Variants in EFCAB5 observed in about 807,000 individuals in gnomAD.
The protein encoded by EFCAB5 is EF-hand calcium-binding domain-containing protein 5.
Under a neutral mutation model 167.9 loss-of-function variants are expected in EFCAB5, and 131 were observed. The ratio of observed to expected loss-of-function variants is 0.78; its 90% CI spans 0.68 to 0.90. The LOEUF is 0.90. Ranked by LOEUF, EFCAB5 falls within the 40% of genes least tolerant of loss-of-function variation. The probability of loss-of-function intolerance (pLI) is 0.00; values close to 1 mark genes in which losing one functional copy is unlikely to be tolerated. For missense variants in EFCAB5, 1,663 were observed against 1,745.2 expected, an observed-to-expected ratio of 0.95 and a Z score of 0.84; for synonymous variants, 574 against 602.8, an observed-to-expected ratio of 0.95 and a Z score of 0.70.
chr17:30,024,511 C>T (rs921421804), intron 7 of EFCAB5, among the ~76,000 whole-genome samples: 1 of 152,060 alleles, frequency 6.6e-6, no homozygotes, highest in Non-Finnish European at 1.5e-5. Context: ...GAACTACAAA[C>T]CACTGCTCAA....
At chr17:29,967,238 T>C (rs1422856141) in intron 3 of EFCAB5, among the ~76,000 whole-genome samples, 1 of 152,236 alleles carries the variant, frequency 6.6e-6, no homozygotes, top group African/African-American at 2.4e-5. Flanking sequence ...TGAGATTCTC[T>C]ATTTGCTTTC....
intron 3 of EFCAB5, among the ~76,000 whole-genome samples, chr17:29,949,364 A>G (rs2067464125): frequency 6.6e-6 from 1 of 152,230 alleles, no homozygotes; most frequent in Non-Finnish European, 1.5e-5. Context: ...TAGAAGGTAG[A>G]CCACTAGAGT....
intron 4 of EFCAB5, among the ~76,000 whole-genome samples, chr17:29,985,788 TG>T (rs1454980845): frequency 1.3e-5 from 2 of 152,212 alleles, no homozygotes; most frequent in African/African-American, 4.8e-5. Context: ...ACCTTCAGCA[TG>T]GGGATCATGG....
At chr17:30,012,087 C>T (rs1356832654) in intron 7 of EFCAB5, among the ~76,000 whole-genome samples, 1 of 152,302 alleles carries the variant, frequency 6.6e-6, no homozygotes, top group East Asian at 1.9e-4. Context: ...GACAGGGCCA[C>T]CAGAGGGCTC....
intron 4 of EFCAB5, among the ~76,000 whole-genome samples, chr17:29,973,409 T>A (rs968065329): frequency 2.6e-5 from 4 of 152,120 alleles, no homozygotes; most frequent in Admixed American, 2.6e-4. Context: ...AAAAATGAGT[T>A]AATATTGACA....
chr17:29,941,900 A>G (rs922087114), intron 1 of EFCAB5, 62 bp downstream of exon 1: 1 of 1,455,884 alleles, frequency 6.9e-7, no homozygotes, highest in African/African-American at 1.4e-5. Context: ...CATTCTTGGG[A>G]AAATTGAGAT....
intron 14 of EFCAB5, chr17:30,069,735 ATG>A (rs1175434137): frequency 6.0e-6 from 5 of 832,686 alleles, no homozygotes; most frequent in Non-Finnish European, 9.6e-6. Context: ...GTGCTGGAGC[ATG>A]GTATGACCAC....
At chr17:30,092,749 A>G in intron 21 of EFCAB5, 91 bp from the exon 22 acceptor site, 1 of 832,746 alleles carries the variant, frequency 1.2e-6, no homozygotes, top group Non-Finnish European at 1.9e-6. Flanking sequence ...TTTAAAATCT[A>G]TATAAATGGA....
intron 5 of EFCAB5, among the ~76,000 whole-genome samples, chr17:29,994,176 A>ATG (rs1431052766): frequency 9.9e-5 from 12 of 120,792 alleles, no homozygotes; most frequent in African/African-American, 3.5e-4. Context: ...ATATATATAT[A>ATG]TGTGATATAT....
chr17:30,011,000 A>G (rs1446602749), intron 7 of EFCAB5, among the ~76,000 whole-genome samples: 1 of 152,142 alleles, frequency 6.6e-6, no homozygotes, highest in African/African-American at 2.4e-5. Context: ...GATTCAGTTT[A>G]AGCTTTCTAC....
chr17:30,091,902 A>T lies in EFCAB5; in HGVS notation c.3969A>T (p.Ala1323=). The change falls in exon 21 of 23, where the codon GCA becomes GCT. Residue 1323 remains alanine, a synonymous_variant. Transcript: ENST00000394835. ...EIENVREVQR[A]GILFFRIMLL... ...AAAATGTCAGGGAAGTCCAGCGGGC[A>T]GGAATTCTCTTCTTCCGAATCATGC... The T allele has an allele frequency of 6.2e-7, 1 of 1,614,000 alleles. No homozygotes were observed. Among genetic ancestry groups the T allele is most frequent in the East Asian group, 2.2e-5 (1 of 44,888 alleles).
chr17:30,029,941 AT>A (rs1321223519), intron 7 of EFCAB5, among the ~76,000 whole-genome samples: 7 of 152,322 alleles, frequency 4.6e-5, no homozygotes, highest in Admixed American at 4.6e-4. Flanking sequence ...AAATCCCAGA[AT>A]TCATTACATT....
At chr17:30,003,243 T>C (rs1412031797) in intron 7 of EFCAB5, among the ~76,000 whole-genome samples, 1 of 152,082 alleles carries the variant, frequency 6.6e-6, no homozygotes, top group Non-Finnish European at 1.5e-5. Context: ...TTTGTTGTTG[T>C]TGTTCTTTTT....
At chr17:30,095,909 G>A (rs1228228444) in intron 22 of EFCAB5, among the ~76,000 whole-genome samples, 7 of 152,202 alleles carry the variant, frequency 4.6e-5, no homozygotes, top group South Asian at 2.1e-4. Context: ...GAAAAAACTT[G>A]CCATCGCAGC....
chr17:30,082,936 C>T lies in EFCAB5; in HGVS notation c.3472C>T (p.Arg1158Trp), dbSNP rs775384672. 46 of 1,613,782 alleles carry T rather than the reference C, an allele frequency of 2.9e-5. No individual in the cohort carries two copies. Among genetic ancestry groups the T allele is most frequent in the East Asian group, 8.9e-5 (4 of 44,888 alleles). Residue 1158 changes from arginine to tryptophan, a missense_variant, in exon 18 of 23, where the codon CGG becomes TGG. Physicochemically the swap from Arg to Trp is moderately radical, Grantham distance 101. Coordinates refer to ENST00000394835, the MANE Select transcript of EFCAB5 (RefSeq NM_198529.4). ...CACTGCCTATCACTACGTCCACAGC[C>T]GGGAGCACATTCTGCATATTGTGAT... is the stretch of plus-strand genomic sequence containing the variant. ...FSTAYHYVHSREHILHIVITG... is the reference protein window; with the variant it reads ...FSTAYHYVHSWEHILHIVITG...
At chr17:30,003,921 T>C (rs1430716574) in intron 7 of EFCAB5, among the ~76,000 whole-genome samples, 2 of 152,216 alleles carry the variant, frequency 1.3e-5, no homozygotes, top group Non-Finnish European at 2.9e-5. Flanking sequence ...TTTTGCTCCT[T>C]AGTTCAGCTA....
At chr17:30,060,911 T>C (rs1466675884) in intron 14 of EFCAB5, among the ~76,000 whole-genome samples, 1 of 152,232 alleles carries the variant, frequency 6.6e-6, no homozygotes, top group Non-Finnish European at 1.5e-5. Flanking sequence ...GCAAGTTCCT[T>C]AACTTCCATA....
chr17:29,938,216 A>G (rs548457998), upstream of EFCAB5, among the ~76,000 whole-genome samples: 45 of 152,370 alleles, frequency 3.0e-4, no homozygotes, highest in Middle Eastern at 6.8e-3. Flanking sequence ...TTCCCAATGC[A>G]TATATAAAAG....
intron 4 of EFCAB5, among the ~76,000 whole-genome samples, chr17:29,986,995 G>C (rs1030076519): frequency 7.2e-5 from 11 of 152,088 alleles, no homozygotes; most frequent in Admixed American, 5.9e-4. Context: ...ATGTGTAACT[G>C]TGCCATAGAG....
Sources: gnomAD v4.1 joint callset for allele counts (sites outside exome capture counted in the v4.1 genomes callset) on GRCh38, gnomAD v4.1.1 for gene constraint, MANE v1.5 for transcripts, NCBI Gene and HGNC (gene_info 2026-07-23, HGNC 2026-07-21) for gene names.